Variants in ARHGAP18 observed in about 807,000 individuals in gnomAD.
The protein encoded by ARHGAP18 is rho GTPase-activating protein 18.
ARHGAP18 carries 67 observed loss-of-function variants against 86.2 expected under a neutral mutation model. The observed-to-expected ratio is 0.78, with a 90% CI of 0.64 to 0.95. ARHGAP18 has a LOEUF of 0.95. ARHGAP18 is among the 40% of genes least tolerant of loss of function. ARHGAP18 has a pLI of 0.00. For missense variants in ARHGAP18, 691 were observed against 780.4 expected (o/e 0.89, Z 1.37); for synonymous variants, 283 against 280.4 (o/e 1.01, Z -0.09).
chr6:129,584,077 A>C lies in ARHGAP18; in HGVS notation c.1749T>G (p.Ala583=), dbSNP rs772447981. 6.2e-7 allele frequency: 1 copy of C among 1,613,714 alleles called. No homozygotes were observed. The highest frequency in any genetic ancestry group is 8.5e-7 in the Non-Finnish European group (1 of 1,179,780). Reference sequence around the variant, plus strand: ...CCATGGAAACTTTCGAAAGATGGGGAGCTTGCACTCGAATCACTCCCTGAG... The same window carrying C: ...CCATGGAAACTTTCGAAAGATGGGGCGCTTGCACTCGAATCACTCCCTGAG... The part of the protein sequence containing the change: ...DVPQGVIRVQ[A]PHLSKVSMAI... The change falls in exon 13 of 15, where the codon GCT becomes GCG. Residue 583 remains alanine (A), a synonymous_variant. Transcript: ENST00000368149.
At chr6:129,648,816 T>C (rs774171889) in intron 1 of ARHGAP18, among the ~76,000 whole-genome samples, 15 of 152,172 alleles carry the variant, frequency 9.9e-5, no homozygotes, top group Non-Finnish European at 1.6e-4. Flanking sequence ...ATCACTATCA[T>C]GGTGAGATGG....
chr6:129,617,770 G>T (rs959282665), intron 6 of ARHGAP18, among the ~76,000 whole-genome samples: 2 of 152,200 alleles, frequency 1.3e-5, no homozygotes, highest in Non-Finnish European at 2.9e-5. Flanking sequence ...AGCACAGAAT[G>T]AGGTCTTCTG....
chr6:129,589,252 A>G (rs1005373559), intron 12 of ARHGAP18, among the ~76,000 whole-genome samples: 2 of 152,082 alleles, frequency 1.3e-5, no homozygotes, highest in African/African-American at 4.8e-5. Context: ...CCAAACTTTT[A>G]TGTTCTGCTT....
intron 1 of ARHGAP18, among the ~76,000 whole-genome samples, chr6:129,650,372 T>A (rs910948362): frequency 1.3e-5 from 2 of 152,150 alleles, no homozygotes; most frequent in Non-Finnish European, 2.9e-5. Context: ...CACTTCCTTT[T>A]TAGATACAGA....
chr6:129,619,665 A>T (rs117163734), intron 5 of ARHGAP18, among the ~76,000 whole-genome samples: 1 of 145,342 alleles, frequency 6.9e-6, no homozygotes, highest in Non-Finnish European at 1.5e-5. Context: ...AAACAGAGGA[A>T]GATGACATGA....
At chr6:129,658,916 A>G (rs1773894614) in intron 1 of ARHGAP18, among the ~76,000 whole-genome samples, 1 of 152,232 alleles carries the variant, frequency 6.6e-6, no homozygotes, top group Non-Finnish European at 1.5e-5. Flanking sequence ...AAATAAATTG[A>G]TATTTTAGAA....
Position 129,578,391 on chromosome 6 carries a change from CA to C in ARHGAP18, c.*121del, listed in dbSNP as rs1378093346. The C allele has an allele frequency of 3.5e-6, 2 of 579,192 alleles. No individual in the cohort carries two copies. Among genetic ancestry groups the C allele is most frequent in the African/African-American group, 3.8e-5 (2 of 52,602 alleles). The allele number at this position is 579,192 out of a possible 1,614,324, so 35.9% of individuals were successfully genotyped here. A position where few individuals can be genotyped will look rare whatever the true frequency, so the allele number is the denominator to read the frequency against. On this transcript the variant is annotated 3_prime_UTR_variant, in exon 15 of 15. Coordinates refer to ENST00000368149, the MANE Select transcript of ARHGAP18 (RefSeq NM_033515.3). ...ATGACTTTTTAAGGCTTAAGAGAGT[CA>C]TTTTTAAATACTTGGGTACAACTGA...
At chr6:129,663,436 G>A (rs1324706337) in intron 1 of ARHGAP18, among the ~76,000 whole-genome samples, 1 of 152,132 alleles carries the variant, frequency 6.6e-6, no homozygotes, top group Non-Finnish European at 1.5e-5. Context: ...AAAATCCTCT[G>A]CATCCTGTTT....
chr6:129,636,678 A>G, intron 3 of ARHGAP18, among the ~76,000 whole-genome samples: 1 of 152,188 alleles, frequency 6.6e-6, no homozygotes, highest in East Asian at 1.9e-4. Flanking sequence ...GGAGTTCAAG[A>G]CCAGCCTGGC....
At chr6:129,623,628 T>A (rs1349566579) in intron 5 of ARHGAP18, among the ~76,000 whole-genome samples, 1 of 152,150 alleles carries the variant, frequency 6.6e-6, no homozygotes, top group Non-Finnish European at 1.5e-5. Context: ...GAACTTAAGG[T>A]TTTATCTACT....
intron 1 of ARHGAP18, among the ~76,000 whole-genome samples, chr6:129,689,530 TG>T (rs1774489063): frequency 1.3e-5 from 2 of 152,132 alleles, no homozygotes; most frequent in Non-Finnish European, 2.9e-5. Context: ...TAGCCTCAAA[TG>T]ATCTGCCCAC....
chr6:129,653,789 G>A (rs1466318831), intron 1 of ARHGAP18, among the ~76,000 whole-genome samples: 1 of 151,410 alleles, frequency 6.6e-6, no homozygotes, highest in Non-Finnish European at 1.5e-5. Flanking sequence ...GCTACTTGTG[G>A]GTTAGGGCAG....
At chr6:129,602,503 A>T (rs1788767775) in intron 10 of ARHGAP18, among the ~76,000 whole-genome samples, 1 of 152,084 alleles carries the variant, frequency 6.6e-6, no homozygotes. Flanking sequence ...TGGAAAAAAA[A>T]ATTCCTGTAA....
In ARHGAP18 at chr6:129,600,646, C is replaced by T; in HGVS notation, c.1568G>A (p.Trp523Ter). Residue 523 changes from tryptophan to a stop codon, truncating the protein, a stop_gained, in exon 11 of 15, where the codon TGG (tryptophan) becomes TAG (stop). Coordinates refer to ENST00000368149, the MANE Select transcript of ARHGAP18 (RefSeq NM_033515.3). LOFTEE classifies it high-confidence loss of function. Reference protein sequence around the residue: ...HLLIKYQKLLWTIPKFIVNQV... With the variant: ...HLLIKYQKLL The stretch of plus-strand genomic sequence containing the variant: ...AAGCATATGATATATACTTACTGTC[C>T]ACAGAAGTTTTTGGTACTTAATCAA... The T allele has an allele frequency of 4.3e-6, 7 of 1,612,520 alleles. No homozygotes were observed. The highest frequency in any genetic ancestry group is 5.9e-6 in the Non-Finnish European group (7 of 1,179,008).
intron 7 of ARHGAP18, among the ~76,000 whole-genome samples, chr6:129,613,232 C>CAAAAAA (rs71028167): frequency 2.1e-5 from 2 of 94,154 alleles, no homozygotes; most frequent in African/African-American, 4.4e-5. Flanking sequence ...GACTCTGTCT[C>CAAAAAA]AAAAAAAAAA....
intron 1 of ARHGAP18, among the ~76,000 whole-genome samples, chr6:129,659,894 T>G (rs572759544): frequency 6.6e-6 from 1 of 151,570 alleles, no homozygotes; most frequent in African/African-American, 2.4e-5. Context: ...GAGCCGGAGG[T>G]TGAGTAGGAG....
rs756313707 is a variant in ARHGAP18, at chr6:129,638,614, T to G, written c.332A>C (p.Glu111Ala). 1 of 1,614,008 alleles carries G rather than the reference T, an allele frequency of 6.2e-7. No individual in the cohort carries two copies. The highest frequency in any genetic ancestry group is 1.1e-5 in the South Asian group (1 of 91,022). Residue 111 changes from glutamate (E) to alanine (A), a missense_variant, in exon 3 of 15, where the codon GAA becomes GCA. By Grantham distance (107) the Glu-to-Ala change is moderately radical. Coordinates refer to ENST00000368149, the MANE Select transcript of ARHGAP18 (RefSeq NM_033515.3). ...TAAACCGGCCTCTTTAAGCCACTCT[T>G]CTTCCAATTCTCCCTCTAAGACAGT... ...VKEPDEGELE[E>A]EWLKEAGLSN...
intron 10 of ARHGAP18, among the ~76,000 whole-genome samples, chr6:129,602,589 G>A (rs1373461027): frequency 6.6e-6 from 1 of 152,108 alleles, no homozygotes; most frequent in East Asian, 1.9e-4. Flanking sequence ...TAAGGACAGA[G>A]CTTTAATATC....
chr6:129,677,846 A>G (rs1584108818), intron 1 of ARHGAP18, among the ~76,000 whole-genome samples: 1 of 152,062 alleles, frequency 6.6e-6, no homozygotes, highest in African/African-American at 2.4e-5. Flanking sequence ...TTGCACAGAA[A>G]CCTTTGCTCC....
Sources: allele counts gnomAD v4.1 joint callset (sites outside exome capture counted in the v4.1 genomes callset), GRCh38; gene constraint gnomAD v4.1.1; transcripts MANE v1.5; gene names NCBI Gene and HGNC (gene_info 2026-07-23, HGNC 2026-07-21).